The following GPC5 variants were observed in gnomAD, a reference collection of about 807,000 sequenced individuals.
The protein encoded by GPC5 is glypican-5.
GPC5 carries 47 observed loss-of-function variants against 53.9 expected under a neutral mutation model. The ratio of observed to expected loss-of-function variants is 0.87; its 90% CI spans 0.69 to 1.11. The LOEUF (loss-of-function observed/expected upper bound fraction) is 1.11, where lower values mean the gene tolerates loss of function less well. Among genes scored for constraint, GPC5 ranks in the 50% most tolerant of loss-of-function variants. The pLI, the probability that GPC5 is intolerant of heterozygous loss-of-function variation, is 0.00. For synonymous variants in GPC5, 286 were observed against 263.3 expected (o/e 1.09, Z -0.84); for missense variants, 748 against 713.1 (o/e 1.05, Z -0.56).
At chr13:92,444,137 T>C (rs533386497) in intron 7 of GPC5, among the ~76,000 whole-genome samples, 46 of 152,286 alleles carry the variant, frequency 3.0e-4, no homozygotes, top group African/African-American at 9.6e-4. Flanking sequence ...AAATGGGAAA[T>C]TGGACGGATC....
rs1049364302 is a variant in GPC5 at position 92,146,999 on chromosome 13, A to C, written c.1561+2010A>C. On this transcript the variant is annotated intron_variant, in intron 7 of 7. Coordinates refer to ENST00000377067, the MANE Select transcript of GPC5 (RefSeq NM_004466.6). Reference sequence around the variant, plus strand: ...TAACTCTTAGGGCATAATGGATATAAATTGTATATTGATAAATGACGTGAC... The same window carrying C: ...TAACTCTTAGGGCATAATGGATATACATTGTATATTGATAAATGACGTGAC... Among the ~76,000 whole-genome samples the C allele has an allele frequency of 9.9e-5, 15 of 152,238 alleles. No individual in the cohort carries two copies. The East Asian group carries it at 1.9e-3, about 20-fold the overall frequency.
At chr13:92,433,284 A>T (rs1477222880) in intron 7 of GPC5, among the ~76,000 whole-genome samples, 1 of 152,158 alleles carries the variant, frequency 6.6e-6, no homozygotes, top group Admixed American at 6.5e-5. Context: ...ATATCTAGAT[A>T]CAGAGATAGC....
In GPC5 at chr13:91,506,355, T is replaced by C. The variant is rs566812598; in HGVS notation, c.325+57433T>C. On this transcript the variant is annotated intron_variant, in intron 2 of 7. Coordinates refer to ENST00000377067, the MANE Select transcript of GPC5 (RefSeq NM_004466.6). ...TATGCCTTCAGTTTCATCGCCTTTATTGAATATTTAAATCCATTAATCTTG... is the reference window on the plus strand; with the variant it reads ...TATGCCTTCAGTTTCATCGCCTTTACTGAATATTTAAATCCATTAATCTTG... Among the ~76,000 whole-genome samples the C allele has an allele frequency of 1.0e-3, 156 of 152,274 alleles. 1 individual carries two copies. Among genetic ancestry groups the C allele is most frequent in the African/African-American group, 3.7e-3 (153 of 41,554 alleles).
At chr13:92,327,232 T>C (rs1207225266) in intron 7 of GPC5, among the ~76,000 whole-genome samples, 5 of 152,178 alleles carry the variant, frequency 3.3e-5, no homozygotes, top group Non-Finnish European at 7.3e-5. Context: ...ACGCCCAGGT[T>C]TAATTTGCAA....
chr13:92,166,734 G>A (rs2042030466), intron 7 of GPC5, among the ~76,000 whole-genome samples: 1 of 152,160 alleles, frequency 6.6e-6, no homozygotes, highest in Non-Finnish European at 1.5e-5. Context: ...GGGAAGGGCT[G>A]TTTAACACTT....
chr13:91,475,794 T>G (rs543025077), intron 2 of GPC5, among the ~76,000 whole-genome samples: 10 of 152,248 alleles, frequency 6.6e-5, no homozygotes, highest in African/African-American at 2.4e-4. Flanking sequence ...GGCTCAGAAT[T>G]GGTACACGGT....
At chr13:92,628,264 C>CTTTCTTTT (rs1885115304) in intron 7 of GPC5, among the ~76,000 whole-genome samples, 1 of 45,338 alleles carries the variant, frequency 2.2e-5, no homozygotes. Context: ...CTTTTTCTTT[C>CTTTCTTTT]TTTTTTTTTT....
At chr13:91,911,431 C>T (rs2039609408) in intron 6 of GPC5, among the ~76,000 whole-genome samples, 1 of 152,218 alleles carries the variant, frequency 6.6e-6, no homozygotes, top group South Asian at 2.1e-4. Flanking sequence ...GTAATCCCAG[C>T]TACTCAGGAG....
chr13:91,496,065 A>T (rs1365269375), intron 2 of GPC5, among the ~76,000 whole-genome samples: 1 of 152,096 alleles, frequency 6.6e-6, no homozygotes, highest in Non-Finnish European at 1.5e-5. Context: ...ATAAAATTAG[A>T]TCTTGTAATC....
intron 7 of GPC5, among the ~76,000 whole-genome samples, chr13:92,385,821 A>G (rs112008409): frequency 6.8e-6 from 1 of 147,624 alleles, no homozygotes; most frequent in Non-Finnish European, 1.5e-5. Context: ...ATACACGTGT[A>G]TATATATATA....
chr13:91,708,379 T>C (rs2036154760), intron 3 of GPC5, among the ~76,000 whole-genome samples: 1 of 151,312 alleles, frequency 6.6e-6, no homozygotes, highest in Non-Finnish European at 1.5e-5. Flanking sequence ...TCTAATGGCC[T>C]CCTAATTAAT....
chr13:91,629,473 C>T (rs1187146470), intron 2 of GPC5, among the ~76,000 whole-genome samples: 7 of 151,950 alleles, frequency 4.6e-5, no homozygotes, highest in Non-Finnish European at 2.9e-5. Context: ...TGAAACTCCG[C>T]CTCTACTAAG....
chr13:92,080,866 C>G (rs1210137542), intron 6 of GPC5, among the ~76,000 whole-genome samples: 1 of 152,210 alleles, frequency 6.6e-6, no homozygotes, highest in African/African-American at 2.4e-5. Flanking sequence ...CTAATCACAT[C>G]AGTCTTCCTG....
At chr13:92,124,729 T>C (rs2041680758) in intron 6 of GPC5, among the ~76,000 whole-genome samples, 1 of 152,050 alleles carries the variant, frequency 6.6e-6, no homozygotes, top group Admixed American at 6.6e-5. Flanking sequence ...ACTAATATAC[T>C]CTGGGAGTGA....
At chr13:92,634,314 T>A (rs956041085) in intron 7 of GPC5, among the ~76,000 whole-genome samples, 1 of 152,124 alleles carries the variant, frequency 6.6e-6, no homozygotes, top group Non-Finnish European at 1.5e-5. Flanking sequence ...GAAGTTTGGA[T>A]AGGTATTACT....
chr13:92,709,251 G>A (rs1888056860), intron 7 of GPC5, among the ~76,000 whole-genome samples: 1 of 150,434 alleles, frequency 6.6e-6, no homozygotes, highest in Non-Finnish European at 1.5e-5. Context: ...TAGAGATAGG[G>A]TTTCACCATG....
chr13:91,736,470 TC>T (rs1336721863), intron 4 of GPC5, among the ~76,000 whole-genome samples: 2 of 151,308 alleles, frequency 1.3e-5, no homozygotes, highest in African/African-American at 2.5e-5. Flanking sequence ...TGAATGTAGA[TC>T]TTTTTTTATT....
At chr13:92,785,536 T>C (rs1594505929) in intron 7 of GPC5, among the ~76,000 whole-genome samples, 1 of 152,198 alleles carries the variant, frequency 6.6e-6, no homozygotes, top group East Asian at 1.9e-4. Context: ...CAATTGAGAC[T>C]ACCACGGTAG....
intron 7 of GPC5, among the ~76,000 whole-genome samples, chr13:92,167,646 A>G (rs974709226): frequency 3.9e-5 from 6 of 152,216 alleles, no homozygotes; most frequent in African/African-American, 1.4e-4. Context: ...TCTGAAATAC[A>G]GAAATAGATT....
Sources: gnomAD v4.1 joint callset for allele counts (sites outside exome capture counted in the v4.1 genomes callset) on GRCh38, gnomAD v4.1.1 for gene constraint, MANE v1.5 for transcripts, NCBI Gene and HGNC (gene_info 2026-07-23, HGNC 2026-07-21) for gene names.